DNM3: variants seen among roughly 807,000 people sequenced by gnomAD.
DNM3 encodes dynamin-3.
A neutral mutation model predicts 101.6 loss-of-function variants in DNM3; 47 were observed. The observed-to-expected ratio is 0.46, with a 90% CI of 0.37 to 0.59. The LOEUF is 0.59. Among genes scored for constraint, DNM3 ranks in the 20% least tolerant of loss-of-function variants. DNM3 has a pLI of 0.00. For missense variants in DNM3, 849 were observed against 1,085.7 expected (o/e 0.78, Z 3.06); for synonymous variants, 385 against 387.9 (o/e 0.99, Z 0.09).
At chr1:172,398,459 T>G (rs948731228) in intron 20 of DNM3, among the ~76,000 whole-genome samples, 1 of 152,214 alleles carries the variant, frequency 6.6e-6, no homozygotes, top group Admixed American at 6.5e-5. Flanking sequence ...TGAGATCCCC[T>G]GGTCTAATGT....
At chr1:172,244,977 C>T (rs1414058469) in intron 14 of DNM3, among the ~76,000 whole-genome samples, 2 of 152,202 alleles carry the variant, frequency 1.3e-5, no homozygotes, top group Non-Finnish European at 2.9e-5. Context: ...TCAATATTTG[C>T]ATAGCCTCTC....
chr1:172,269,952 C>G (rs576961190), intron 15 of DNM3, among the ~76,000 whole-genome samples: 1 of 152,012 alleles, frequency 6.6e-6, no homozygotes, highest in African/African-American at 2.4e-5. Flanking sequence ...TCTCTTTGGC[C>G]GTCTTAGAGG....
intron 1 of DNM3, among the ~76,000 whole-genome samples, chr1:171,875,828 T>TTTTTTTTTTG: frequency 1.4e-5 from 2 of 146,530 alleles, no homozygotes; most frequent in Non-Finnish European, 1.5e-5. Context: ...TTTTTTTTTT[T>TTTTTTTTTTG]TGAGATGGAG....
chr1:172,083,129 A>T (rs948188688), intron 12 of DNM3, among the ~76,000 whole-genome samples: 2 of 152,110 alleles, frequency 1.3e-5, no homozygotes, highest in Non-Finnish European at 2.9e-5. Context: ...GACTCTCACC[A>T]TGTGTTCTGT....
chr1:172,281,142 T>G (rs181979469), intron 15 of DNM3, among the ~76,000 whole-genome samples: 33 of 151,870 alleles, frequency 2.2e-4, no homozygotes, highest in African/African-American at 8.0e-4. Context: ...TGTGGGAAGT[T>G]TTAAAGCTAT....
intron 9 of DNM3, among the ~76,000 whole-genome samples, chr1:172,046,015 G>C (rs2125851564): frequency 6.6e-6 from 1 of 152,306 alleles, no homozygotes; most frequent in East Asian, 1.9e-4. Flanking sequence ...CAGGGATCTA[G>C]AACTAGAAAT....
chr1:172,123,145 G>A (rs1199617361), intron 13 of DNM3, among the ~76,000 whole-genome samples: 1 of 152,124 alleles, frequency 6.6e-6, no homozygotes, highest in African/African-American at 2.4e-5. Flanking sequence ...AAGTCACTTA[G>A]CCAATTCATT....
In DNM3 at chr1:172,042,154, A is replaced by G. The variant is rs773570097; in HGVS notation, c.1128+10A>G. 18 of 1,581,468 alleles carry G rather than the reference A, an allele frequency of 1.1e-5. No homozygotes were observed. In the East Asian group the frequency reaches 3.6e-4, roughly 32 times the overall value. ...TTTTGAGATAGTAAAGGTTTGTGTC[A>G]AACGTTATTTTTTTCTTAGTTTCAC... On this transcript the variant is annotated intron_variant, in intron 8 of 20. Transcript: ENST00000627582.
At position 172,078,512 on chromosome 1, in the gene DNM3, T is replaced by G. The variant is rs1296679534; in HGVS notation, c.1423-3320T>G. On this transcript the variant is annotated intron_variant, in intron 11 of 20. Transcript: ENST00000627582. Reference sequence around the variant, plus strand: ...CATCCCTTTATTTTGAGCCTATGTGTGTCTTTGCATATGAGATGGGTCTCC... The same window carrying G: ...CATCCCTTTATTTTGAGCCTATGTGGGTCTTTGCATATGAGATGGGTCTCC... Among the ~76,000 whole-genome samples, 3 of 152,218 alleles carry G rather than the reference T, an allele frequency of 2.0e-5. 1 individual carries two copies. Among genetic ancestry groups the G allele is most frequent in the Middle Eastern group, 6.8e-3 (2 of 294 alleles).
At chr1:172,247,052 T>C (rs1168251019) in intron 14 of DNM3, among the ~76,000 whole-genome samples, 1 of 152,166 alleles carries the variant, frequency 6.6e-6, no homozygotes, top group Admixed American at 6.6e-5. Flanking sequence ...TTATCGTCCC[T>C]GGGTGAGGAA....
chr1:172,210,749 A>G (rs961356448), intron 14 of DNM3, among the ~76,000 whole-genome samples: 1 of 152,146 alleles, frequency 6.6e-6, no homozygotes, highest in African/African-American at 2.4e-5. Flanking sequence ...TGCCTTTGAG[A>G]GACAGAAGAA....
At chr1:171,988,919 A>C (rs1373137413) in intron 3 of DNM3, 26 bp from the exon 4 acceptor site, 2 of 1,547,282 alleles carry the variant, frequency 1.3e-6, no homozygotes, top group South Asian at 2.4e-5. Context: ...AGGTGTATGT[A>C]AGACTCCTTT....
rs143886484 is a variant in DNM3 at position 172,269,881 on chromosome 1, G to A, written c.1769+16199G>A. 2.8e-3 allele frequency among the ~76,000 whole-genome samples: 433 copies of A among 152,230 alleles called. 1 individual carries two copies. Among genetic ancestry groups the A allele is most frequent in the African/African-American group, 0.01 (417 of 41,530 alleles). The stretch of plus-strand genomic sequence containing the variant: ...AGCAGAGCTCTTCAGAAATGAATAA[G>A]CAGGATTGCGAAAATATCCCTAGCT... On this transcript the variant is annotated intron_variant, in intron 15 of 20. Transcript: ENST00000627582.
At chr1:171,998,382 T>C (rs148944436) in intron 4 of DNM3, among the ~76,000 whole-genome samples, 1 of 152,278 alleles carries the variant, frequency 6.6e-6, no homozygotes, top group Non-Finnish European at 1.5e-5. Flanking sequence ...TGCTTCTTGA[T>C]TACATCCACA....
At chr1:172,064,396 C>A (rs1416014362) in intron 10 of DNM3, among the ~76,000 whole-genome samples, 1 of 151,956 alleles carries the variant, frequency 6.6e-6, no homozygotes. Context: ...GGTGATTGCA[C>A]ATTAAATAAG....
chr1:172,033,876 G>C (rs1456313890), intron 6 of DNM3, among the ~76,000 whole-genome samples: 2 of 152,032 alleles, frequency 1.3e-5, no homozygotes, highest in Admixed American at 6.6e-5. Flanking sequence ...CTCTTACTTG[G>C]TTACAGATAT....
chr1:172,408,943 G>GCT lies in DNM3; in HGVS notation c.*1104_*1105dup, dbSNP rs2071064585. 1 of 985,244 alleles carries GCT rather than the reference G, an allele frequency of 1.0e-6. No individual in the cohort carries two copies. The highest frequency in any genetic ancestry group is 1.7e-5 in the African/African-American group (1 of 57,238). 61.0% of individuals were successfully genotyped at this position (985,244 alleles called of 1,614,324 possible). On this transcript the variant is annotated 3_prime_UTR_variant, in exon 21 of 21. Transcript: ENST00000627582. ...AGAAATGGCATGGGATAAGAGCAGA[G>GCT]CTCACACTTTTACAGTTGCAGTATT...
intron 1 of DNM3, among the ~76,000 whole-genome samples, chr1:171,867,422 G>A (rs1262975967): frequency 6.6e-6 from 1 of 152,104 alleles, no homozygotes; most frequent in African/African-American, 2.4e-5. Context: ...AGTCACATCT[G>A]CGCTAGGCTC....
intron 15 of DNM3, among the ~76,000 whole-genome samples, chr1:172,301,003 G>C (rs1423241132): frequency 6.6e-6 from 1 of 152,222 alleles, no homozygotes; most frequent in Non-Finnish European, 1.5e-5. Context: ...TAGGCAGTAT[G>C]ACTCTGGGGA....
Sources: gnomAD v4.1 joint callset for allele counts (sites outside exome capture counted in the v4.1 genomes callset) on GRCh38, gnomAD v4.1.1 for gene constraint, MANE v1.5 for transcripts, NCBI Gene and HGNC (gene_info 2026-07-23, HGNC 2026-07-21) for gene names.